CDH13: variants seen among roughly 807,000 people sequenced by gnomAD.
CDH13 encodes cadherin 13, also known as cadherin-13.
Under a neutral mutation model 63.8 loss-of-function variants are expected in CDH13, and 24 were observed. The observed-to-expected ratio is 0.38, with a 90% CI of 0.27 to 0.53. The LOEUF (loss-of-function observed/expected upper bound fraction) is 0.53, where lower values mean the gene tolerates loss of function less well. Among genes scored for constraint, CDH13 ranks in the 20% least tolerant of loss-of-function variants. The pLI is 0.85. For missense variants in CDH13, 1,049 were observed against 903.1 expected, an observed-to-expected ratio of 1.16 and a Z score of -2.07; for synonymous variants, 503 against 355.3, an observed-to-expected ratio of 1.42 and a Z score of -4.67.
chr16:82,946,306 T>G (rs531567334), intron 2 of CDH13, among the ~76,000 whole-genome samples: 1 of 152,158 alleles, frequency 6.6e-6, no homozygotes, highest in African/African-American at 2.4e-5. Flanking sequence ...AAGAAGAACA[T>G]CAGCAGCTTC....
intron 2 of CDH13, among the ~76,000 whole-genome samples, chr16:82,860,198 G>A (rs919446024): frequency 4.6e-5 from 7 of 152,064 alleles, no homozygotes; most frequent in Admixed American, 6.5e-5. Context: ...AAGCGACCCT[G>A]AGTATGGAAA....
At chr16:82,793,643 A>G (rs2036429526) in intron 1 of CDH13, among the ~76,000 whole-genome samples, 1 of 152,192 alleles carries the variant, frequency 6.6e-6, no homozygotes, top group South Asian at 2.1e-4. Flanking sequence ...ATATAGTAAC[A>G]GAGCAAACCC....
chr16:82,897,847 T>C (rs957754057), intron 2 of CDH13, among the ~76,000 whole-genome samples: 1 of 152,246 alleles, frequency 6.6e-6, no homozygotes, highest in African/African-American at 2.4e-5. Context: ...TCTTTATTCA[T>C]TCATTTATCA....
At chr16:82,790,232 C>G (rs891998271) in intron 1 of CDH13, among the ~76,000 whole-genome samples, 1 of 152,074 alleles carries the variant, frequency 6.6e-6, no homozygotes, top group Non-Finnish European at 1.5e-5. Context: ...GTTAGGAGTT[C>G]AAGACCAGCC....
chr16:83,498,852 A>G (rs549529868), intron 7 of CDH13, among the ~76,000 whole-genome samples: 17 of 152,174 alleles, frequency 1.1e-4, no homozygotes, highest in Non-Finnish European at 1.8e-4. Context: ...GCATTATCAT[A>G]TGGGCCAGGT....
Position 83,615,044 on chromosome 16 carries a change from T to G in CDH13, c.1101+12450T>G, listed in dbSNP as rs542016949. 1.6e-4 allele frequency among the ~76,000 whole-genome samples: 24 copies of G among 152,312 alleles called. No homozygotes were observed. The East Asian group carries it at 4.4e-3, about 28-fold the overall frequency. ...AGTTCCCTTAACTCTTTGGGATCTT[T>G]TCCTCTGTTTTTGATAGTTTGGTGA... On this transcript the variant is annotated intron_variant, in intron 8 of 13. Coordinates refer to ENST00000567109, the MANE Select transcript of CDH13 (RefSeq NM_001257.5).
At chr16:82,816,061 A>G (rs2037690903) in intron 1 of CDH13, among the ~76,000 whole-genome samples, 1 of 152,124 alleles carries the variant, frequency 6.6e-6, no homozygotes, top group Admixed American at 6.6e-5. Context: ...AACAGGCTCA[A>G]TTTTGGTGAA....
intron 3 of CDH13, among the ~76,000 whole-genome samples, chr16:83,104,948 C>G (rs757726855): frequency 5.9e-5 from 9 of 152,234 alleles, no homozygotes; most frequent in Non-Finnish European, 1.2e-4. Context: ...TCTTCTCCCT[C>G]TCTCATTTTC....
chr16:83,326,103 C>A (rs2090353818), intron 5 of CDH13, among the ~76,000 whole-genome samples: 1 of 152,146 alleles, frequency 6.6e-6, no homozygotes, highest in South Asian at 2.1e-4. Context: ...AATACCAGAA[C>A]ACAGTATTGG....
intron 1 of CDH13, among the ~76,000 whole-genome samples, chr16:82,759,112 CT>C (rs1197838181): frequency 1.3e-5 from 2 of 152,206 alleles, no homozygotes; most frequent in Non-Finnish European, 2.9e-5. Flanking sequence ...TCTCTCTTAA[CT>C]GTTGAGAGTC....
At chr16:83,738,468 C>T (rs1482997027) in intron 10 of CDH13, among the ~76,000 whole-genome samples, 1 of 152,176 alleles carries the variant, frequency 6.6e-6, no homozygotes, top group African/African-American at 2.4e-5. Flanking sequence ...TCTGAATTTT[C>T]TGCAATTAAC....
chr16:82,682,262 C>T (rs959033619), intron 1 of CDH13, among the ~76,000 whole-genome samples: 1 of 152,190 alleles, frequency 6.6e-6, no homozygotes, highest in African/African-American at 2.4e-5. Context: ...CCAGGCCCCA[C>T]CCATCAACAT....
rs560918843 is a variant in CDH13, at chr16:83,368,064, A to T, written c.781+23058A>T. Among the ~76,000 whole-genome samples the T allele has an allele frequency of 9.2e-3, 1,398 of 152,260 alleles. 17 individuals are homozygous for T. The highest frequency in any genetic ancestry group is 0.031 in the African/African-American group (1,291 of 41,554). ...AATTGAATTATTTTCTTAATTTCTT[A>T]TGTGGATTATTCATTGTTATTATAT... On this transcript the variant is annotated intron_variant, in intron 6 of 13. Transcript: ENST00000567109.
chr16:83,049,285 A>T lies in CDH13; in HGVS notation c.366+17067A>T, dbSNP rs371536968. 1.3e-4 allele frequency among the ~76,000 whole-genome samples: 20 copies of T among 151,554 alleles called. No homozygotes were observed. The East Asian group carries it at 3.7e-3, about 28-fold the overall frequency. ...TATCACCTATTTTTATATATAATAT[A>T]AATGAAATCATACAATACTTGGGCA... On this transcript the variant is annotated intron_variant, in intron 3 of 13. Coordinates refer to ENST00000567109, the MANE Select transcript of CDH13 (RefSeq NM_001257.5).
intron 2 of CDH13, among the ~76,000 whole-genome samples, chr16:82,914,732 C>A (rs16958847): frequency 6.6e-6 from 1 of 152,148 alleles, no homozygotes; most frequent in African/African-American, 2.4e-5. Flanking sequence ...GCTGTCCTGG[C>A]GTCCACAACT....
intron 5 of CDH13, among the ~76,000 whole-genome samples, chr16:83,221,441 A>T (rs894150581): frequency 5.3e-5 from 8 of 152,166 alleles, no homozygotes; most frequent in Non-Finnish European, 1.0e-4. Context: ...ATTATTATGC[A>T]TTTTGCCAGC....
intron 10 of CDH13, among the ~76,000 whole-genome samples, chr16:83,712,438 T>C (rs1908207145): frequency 1.3e-5 from 2 of 152,124 alleles, no homozygotes; most frequent in East Asian, 3.9e-4. Context: ...AAGAAAAAAA[T>C]GCAAGCAAAA....
At chr16:82,724,139 AG>A (rs146666527) in intron 1 of CDH13, among the ~76,000 whole-genome samples, 1 of 152,242 alleles carries the variant, frequency 6.6e-6, no homozygotes, top group African/African-American at 2.4e-5. Flanking sequence ...CAGGGTAAAG[AG>A]GTTTTTTGTT....
At chr16:83,716,742 A>G (rs4782553) in intron 10 of CDH13, among the ~76,000 whole-genome samples, 18,662 of 152,156 alleles carry the variant, frequency 0.12, 1,172 homozygotes, top group Admixed American at 0.14. Context: ...TCAGCCTTCC[A>G]AAGTGCTGGG....
Sources: allele counts gnomAD v4.1 joint callset (sites outside exome capture counted in the v4.1 genomes callset), GRCh38; gene constraint gnomAD v4.1.1; transcripts MANE v1.5; gene names NCBI Gene and HGNC (gene_info 2026-07-23, HGNC 2026-07-21).